MED12L: variants seen among roughly 807,000 people sequenced by gnomAD.
The protein encoded by MED12L is mediator of RNA polymerase II transcription subunit 12-like protein.
Under a neutral mutation model 281.3 loss-of-function variants are expected in MED12L, and 60 were observed. The observed-to-expected ratio is 0.21, with a 90% CI of 0.17 to 0.26. The LOEUF is 0.26. Ranked by LOEUF, MED12L falls within the 10% of genes least tolerant of loss-of-function variation. MED12L has a pLI of 1.00. For synonymous variants in MED12L, 974 were observed against 987.2 expected (o/e 0.99, Z 0.25); for missense variants, 2,146 against 2,680.9 (o/e 0.80, Z 4.41).
At chr3:151,288,875 C>T (rs1743895565) in intron 16 of MED12L, among the ~76,000 whole-genome samples, 1 of 152,202 alleles carries the variant, frequency 6.6e-6, no homozygotes, top group Non-Finnish European at 1.5e-5. Context: ...ATGTAAATAA[C>T]ATACAGGAGT....
intron 35 of MED12L, 85 bp downstream of exon 35, chr3:151,384,303 T>A: frequency 1.6e-6 from 2 of 1,288,222 alleles, no homozygotes; most frequent in Non-Finnish European, 2.1e-6. Context: ...ACTCATTAAA[T>A]GTTATTAATT....
In MED12L at chr3:151,122,800, C is replaced by T. The variant is rs749313655; in HGVS notation, c.222C>T (p.Ser74=). The part of the protein sequence containing the change: ...INPSKIGAYF[S]SILAEKLKLN... ...TTCCACAGATTGGAGCTTATTTTAG[C>T]AGCATATTAGCTGAGAAACTGAAGC... The change falls in exon 4 of 45, where the codon AGC becomes AGT. Residue 74 remains serine (S), a synonymous_variant. Transcript: ENST00000687756. 1 of 1,600,476 alleles carries T rather than the reference C, an allele frequency of 6.2e-7. No homozygotes were observed. Among genetic ancestry groups the T allele is most frequent in the East Asian group, 2.2e-5 (1 of 44,756 alleles).
intron 2 of MED12L, among the ~76,000 whole-genome samples, chr3:151,105,979 C>T (rs911848184): frequency 7.9e-5 from 12 of 152,166 alleles, no homozygotes; most frequent in Admixed American, 2.0e-4. Context: ...AAGAAATCAA[C>T]GTAAATCCTG....
At chr3:151,425,539 C>G in intron 43 of MED12L, 1 of 423,220 alleles carries the variant, frequency 2.4e-6, no homozygotes, top group South Asian at 1.7e-5. Context: ...TAGCTGGGAA[C>G]TACAGTAAAT....
intron 5 of MED12L, among the ~76,000 whole-genome samples, chr3:151,139,528 G>A (rs1015988197): frequency 1.3e-5 from 2 of 152,172 alleles, no homozygotes; most frequent in Admixed American, 1.3e-4. Context: ...CCTGGTAAGT[G>A]CATTTTTCCA....
intron 2 of MED12L, among the ~76,000 whole-genome samples, chr3:151,095,241 AC>A (rs1234467821): frequency 6.6e-6 from 1 of 152,228 alleles, no homozygotes; most frequent in African/African-American, 2.4e-5. Flanking sequence ...AATGGTTGAT[AC>A]CATGTTGGTA....
chr3:151,408,045 C>T (rs1938125236), intron 39 of MED12L, among the ~76,000 whole-genome samples: 1 of 152,218 alleles, frequency 6.6e-6, no homozygotes, highest in Non-Finnish European at 1.5e-5. Flanking sequence ...TAATGTCACA[C>T]ATGGAGGCAT....
chr3:151,431,802 G>A (rs1184729841), intron 44 of MED12L, among the ~76,000 whole-genome samples: 1 of 152,166 alleles, frequency 6.6e-6, no homozygotes, highest in Non-Finnish European at 1.5e-5. Flanking sequence ...CTAGGACCCA[G>A]GCACTAGGAC....
At chr3:151,371,443 A>G (rs1016923840) in intron 26 of MED12L, among the ~76,000 whole-genome samples, 1 of 152,104 alleles carries the variant, frequency 6.6e-6, no homozygotes, top group South Asian at 2.1e-4. Flanking sequence ...TGAAGCTGGT[A>G]CTCTTTGTGT....
chr3:151,407,373 C>T (rs560595615), intron 39 of MED12L, among the ~76,000 whole-genome samples: 7 of 152,284 alleles, frequency 4.6e-5, no homozygotes, highest in Admixed American at 2.6e-4. Flanking sequence ...ACCTATAGAT[C>T]CCTAGATTCT....
intron 16 of MED12L, chr3:151,294,831 G>T: frequency 6.2e-7 from 1 of 1,614,020 alleles, no homozygotes; most frequent in Middle Eastern, 1.6e-4. Context: ...TTCAGATAGC[G>T]ATCAATGCTT....
chr3:151,319,669 A>G (rs960678358), intron 16 of MED12L, among the ~76,000 whole-genome samples: 1 of 151,886 alleles, frequency 6.6e-6, no homozygotes, highest in Non-Finnish European at 1.5e-5. Context: ...TTTCACATAT[A>G]CTCTTCCCCA....
intron 5 of MED12L, among the ~76,000 whole-genome samples, chr3:151,135,970 G>T (rs190035732): frequency 6.6e-6 from 1 of 152,216 alleles, no homozygotes; most frequent in Admixed American, 6.5e-5. Flanking sequence ...TTTTTTGGGG[G>T]AACAGATAGA....
intron 5 of MED12L, among the ~76,000 whole-genome samples, chr3:151,153,728 C>G (rs1160548403): frequency 2.6e-5 from 4 of 152,044 alleles, no homozygotes; most frequent in Non-Finnish European, 4.4e-5. Flanking sequence ...ACTACCATGT[C>G]TGACTAATTT....
rs1019534983 is a variant in MED12L, at chr3:151,435,549, TAATTC to T, written c.*2746_*2750del. ...TGATTGGCAGGGGCTAACTTATTAG[TAATTC>T]TCGGTTTTGTGCACTGAGATATCTA... On this transcript the variant is annotated 3_prime_UTR_variant, in exon 45 of 45. Transcript: ENST00000687756. 7 of 152,168 alleles carry T rather than the reference TAATTC, an allele frequency of 4.6e-5. No individual in the cohort carries two copies. The highest frequency in any genetic ancestry group is 1.7e-4 in the African/African-American group (7 of 41,430). 9.4% of individuals were successfully genotyped at this position (152,168 alleles called of 1,614,324 possible). A position where few individuals can be genotyped will look rare whatever the true frequency, so the allele number is the denominator to read the frequency against.
chr3:151,357,094 A>T, intron 19 of MED12L, 119 bp from the exon 20 acceptor site: 2 of 902,206 alleles, frequency 2.2e-6, no homozygotes, highest in Non-Finnish European at 3.3e-6. Flanking sequence ...TAAAAAAGTT[A>T]AATTTAGGGA....
chr3:151,202,319 C>T (rs1725721907), intron 16 of MED12L, among the ~76,000 whole-genome samples: 1 of 152,206 alleles, frequency 6.6e-6, no homozygotes. Context: ...AGTGCAGCAA[C>T]AACAATACAA....
At chr3:151,225,193 C>G (rs1730244974) in intron 16 of MED12L, among the ~76,000 whole-genome samples, 2 of 152,134 alleles carry the variant, frequency 1.3e-5, no homozygotes, top group South Asian at 4.1e-4. Context: ...CCAGGGTGCC[C>G]TCGACTTCAC....
chr3:151,234,806 C>T (rs951457838), intron 16 of MED12L, among the ~76,000 whole-genome samples: 4 of 152,180 alleles, frequency 2.6e-5, no homozygotes, highest in Non-Finnish European at 4.4e-5. Flanking sequence ...TGTGGACTAT[C>T]ATTAACCCTG....
Sources: gnomAD v4.1 joint callset for allele counts (sites outside exome capture counted in the v4.1 genomes callset) on GRCh38, gnomAD v4.1.1 for gene constraint, MANE v1.5 for transcripts, NCBI Gene and HGNC (gene_info 2026-07-23, HGNC 2026-07-21) for gene names.